The following GUCY2D variants were observed in gnomAD, a reference collection of about 807,000 sequenced individuals.
GUCY2D encodes the protein guanylate cyclase 2D, retinal.
Under a neutral mutation model 101.3 loss-of-function variants are expected in GUCY2D, and 70 were observed. That is an observed-to-expected ratio of 0.69 (90% confidence interval 0.57 to 0.84). The LOEUF (loss-of-function observed/expected upper bound fraction) is 0.84. Ranked by LOEUF, GUCY2D falls within the 40% of genes least tolerant of loss-of-function variation. The pLI is 0.00. For synonymous variants in GUCY2D, 688 were observed against 670.7 expected (o/e 1.03, Z -0.40); for missense variants, 1,460 against 1,542.5 (o/e 0.95, Z 0.90).
chr17:8,003,848 G>A lies in GUCY2D; in HGVS notation c.722-4G>A, dbSNP rs770035607. On this transcript the variant is annotated splice_polypyrimidine_tract_variant and splice_region_variant and intron_variant, in intron 2 of 19. Coordinates refer to ENST00000254854, the MANE Select transcript of GUCY2D (RefSeq NM_000180.4). ...GGCGCCGCGAGCCAAGCCTCTGTCC[G>A]CAGCAGTGATCATGGTGATGCACTC... is the stretch of plus-strand genomic sequence containing the variant. 2 of 1,611,286 alleles carry A rather than the reference G, an allele frequency of 1.2e-6. No homozygotes were observed. Among genetic ancestry groups the A allele is most frequent in the East Asian group, 2.2e-5 (1 of 44,842 alleles).
Position 8,012,257 on chromosome 17 carries a change from C to G in GUCY2D, c.1863C>G (p.His621Gln). 1.2e-6 allele frequency: 2 copies of G among 1,614,048 alleles called. No homozygotes were observed. Among genetic ancestry groups the G allele is most frequent in the Non-Finnish European group, 1.7e-6 (2 of 1,179,924 alleles). ...WEGNLAVVSE[H>Q]CTRGSLQDLL... is the part of the protein sequence containing the mutation. Reference sequence around the variant, plus strand: ...GCAACCTGGCTGTGGTCTCAGAGCACTGCACGCGGGGCTCTCTTCAGGACC... The same window carrying G: ...GCAACCTGGCTGTGGTCTCAGAGCAGTGCACGCGGGGCTCTCTTCAGGACC... Residue 621 changes from histidine (H) to glutamine (Q), a missense_variant, in exon 9 of 20, where the codon CAC (histidine) becomes CAG (glutamine). By Grantham distance (24) the His-to-Gln change is conservative. This residue lies in a region of GUCY2D where 1,196 missense variants were observed against 1,229.6 expected (regional missense o/e 0.97). Transcript: ENST00000254854.
chr17:8,012,902 A>G (rs1975884234), intron 10 of GUCY2D, among the ~76,000 whole-genome samples: 1 of 152,176 alleles, frequency 6.6e-6, no homozygotes, highest in African/African-American at 2.4e-5. Flanking sequence ...CCTGGGCACC[A>G]CCTTTTCTGA....
At chr17:8,007,177 G>A in intron 5 of GUCY2D, 33 bp downstream of exon 5, 1 of 1,493,526 alleles carries the variant, frequency 6.7e-7, no homozygotes. Flanking sequence ...TAGGAAGTGA[G>A]CTTGTGCCAG....
At chr17:8,015,128 G>T in intron 14 of GUCY2D, 77 bp downstream of exon 14, 3 of 1,293,842 alleles carry the variant, frequency 2.3e-6, no homozygotes, top group Non-Finnish European at 3.3e-6. Flanking sequence ...TTCCTGCGCA[G>T]CCCCTAGCCT....
chr17:8,005,771 AT>A (rs1171499004), intron 3 of GUCY2D, among the ~76,000 whole-genome samples: 1 of 152,218 alleles, frequency 6.6e-6, no homozygotes, highest in East Asian at 1.9e-4. Context: ...ACACTGATAC[AT>A]CTTTAGTGCT....
In GUCY2D at chr17:8,014,170, C is replaced by A; in HGVS notation, c.2412+142C>A. On this transcript the variant is annotated intron_variant, in intron 12 of 19. Transcript: ENST00000254854. The surrounding 1 kb of genome is among the most constrained non-coding windows in gnomAD (Gnocchi z 4.0). ...CCTCCTAAGGAGTAGCCTGAAGACT[C>A]GGAGTTTGGGGGCAGAATTGGAATG... 1.3e-6 allele frequency: 1 copy of A among 785,968 alleles called. No individual in the cohort carries two copies. Among genetic ancestry groups the A allele is most frequent in the Non-Finnish European group, 2.2e-6 (1 of 458,598 alleles). The allele number at this position is 785,968 out of a possible 1,614,324, so 48.7% of individuals were successfully genotyped here.
At position 8,007,069 on chromosome 17, in the gene GUCY2D, C is replaced by T. The variant is rs1975757840; in HGVS notation, c.1388C>T (p.Pro463Leu). 3 of 1,613,924 alleles carry T rather than the reference C, an allele frequency of 1.9e-6. No individual in the cohort carries two copies. Among genetic ancestry groups the T allele is most frequent in the African/African-American group, 1.3e-5 (1 of 75,054 alleles). ...PNNICGGGLEPGLVFLGFLLV... is the reference protein window; with the variant it reads ...PNNICGGGLELGLVFLGFLLV... Reference sequence around the variant, plus strand: ...GTCACTGTCCCTTCAGGACTGGAGCCGGGCCTCGTCTTTCTTGGCTTCCTC... The same window carrying T: ...GTCACTGTCCCTTCAGGACTGGAGCTGGGCCTCGTCTTTCTTGGCTTCCTC... The change falls in exon 5 of 20, where the codon CCG becomes CTG. Residue 463 changes from proline (P) to leucine (L), a missense_variant. Physicochemically the swap from Pro to Leu is moderately conservative, Grantham distance 98. Coordinates refer to ENST00000254854, the MANE Select transcript of GUCY2D (RefSeq NM_000180.4).
intron 19 of GUCY2D, chr17:8,016,860 G>A: frequency 6.1e-6 from 2 of 325,742 alleles, no homozygotes; most frequent in Non-Finnish European, 5.8e-6. Context: ...GCTGTGCACT[G>A]CACAAGAGAC....
rs1294796413 is a variant in GUCY2D at position 8,007,958 on chromosome 17, G to A, written c.1594G>A (p.Gly532Ser). 4 of 1,613,418 alleles carry A rather than the reference G, an allele frequency of 2.5e-6. No homozygotes were observed. The South Asian group carries it at 3.3e-5, about 13-fold the overall frequency. ...GGCCCAGGGGAGTCGATCAAGTCTG[G>A]GTGCCCGCAGCATGTCAGACATTCG... is the stretch of plus-strand genomic sequence containing the variant. ...KVAQGSRSSL[G>S]ARSMSDIRSG... Residue 532 changes from glycine (G) to serine (S), a missense_variant, in exon 7 of 20, where the codon GGT (glycine) becomes AGT (serine). This residue lies in a region of GUCY2D where 1,196 missense variants were observed against 1,229.6 expected (regional missense o/e 0.97). Coordinates refer to ENST00000254854, the MANE Select transcript of GUCY2D (RefSeq NM_000180.4).
chr17:8,015,443 C>G lies in GUCY2D; in HGVS notation c.2885C>G (p.Thr962Ser). 1 of 1,613,900 alleles carries G rather than the reference C, an allele frequency of 6.2e-7. No individual in the cohort carries two copies. The highest frequency in any genetic ancestry group is 8.5e-7 in the Non-Finnish European group (1 of 1,179,926). ...MSLDILSAVG[T>S]FRMRHMPEVP... is the part of the protein sequence containing the mutation. ...CTGGACATCCTCAGTGCCGTGGGCACTTTCCGCATGCGCCATATGCCTGAG... is the reference window on the plus strand; with the variant it reads ...CTGGACATCCTCAGTGCCGTGGGCAGTTTCCGCATGCGCCATATGCCTGAG... The change falls in exon 15 of 20, where the codon ACT (threonine) becomes AGT (serine). Residue 962 changes from threonine (T) to serine (S), a missense_variant. Thr to Ser is a moderately conservative substitution (Grantham distance 58). Coordinates refer to ENST00000254854, the MANE Select transcript of GUCY2D (RefSeq NM_000180.4).
chr17:8,006,550 T>C lies in GUCY2D; in HGVS notation c.1214T>C (p.Leu405Pro), dbSNP rs1361057788. The stretch of plus-strand genomic sequence containing the variant: ...GACGAGGAGCCCCCATTCGTGCTGC[T>C]AGACACGGACGCGGCGGGAGACCGG... ...GGDEEPPFVL[L>P]DTDAAGDRLF... is the part of the protein sequence containing the mutation. Residue 405 changes from leucine (L) to proline (P), a missense_variant, in exon 4 of 20, where the codon CTA becomes CCA. Physicochemically the swap from Leu to Pro is moderately conservative, Grantham distance 98. This residue lies in a region of GUCY2D where 1,196 missense variants were observed against 1,229.6 expected (regional missense o/e 0.97). Transcript: ENST00000254854. 2 of 1,612,946 alleles carry C rather than the reference T, an allele frequency of 1.2e-6. No individual in the cohort carries two copies. The highest frequency in any genetic ancestry group is 4.5e-5 in the East Asian group (2 of 44,888).
chr17:8,008,097 G>A (rs2151801121), intron 7 of GUCY2D, 65 bp downstream of exon 7: 1 of 970,322 alleles, frequency 1.0e-6, no homozygotes, highest in East Asian at 2.5e-5. Context: ...TGGGCAGAGG[G>A]GAGGCGCACT....
Position 8,007,922 on chromosome 17 carries a change from A to G in GUCY2D, c.1567-9A>G, listed in dbSNP as rs765520038. On this transcript the variant is annotated splice_polypyrimidine_tract_variant and intron_variant, in intron 6 of 19. Coordinates refer to ENST00000254854, the MANE Select transcript of GUCY2D (RefSeq NM_000180.4). The stretch of plus-strand genomic sequence containing the variant: ...ATTTTGACCTCTTGCATTGACCTCT[A>G]CCTGCTAGGTGGCCCAGGGGAGTCG... The G allele has an allele frequency of 1.9e-6, 3 of 1,574,640 alleles. No homozygotes were observed. The highest frequency in any genetic ancestry group is 2.6e-6 in the Non-Finnish European group (3 of 1,144,392).
In GUCY2D at chr17:8,016,412, C is replaced by T. The variant is rs1335528071; in HGVS notation, c.3225-31C>T. 10 of 1,515,624 alleles carry T rather than the reference C, an allele frequency of 6.6e-6. No individual in the cohort carries two copies. In the East Asian group the frequency reaches 2.2e-4, roughly 33 times the overall value. The allele number at this position is 1,515,624 out of a possible 1,614,324, so 93.9% of individuals were successfully genotyped here. ...CCCTGCCCTCCCACGCCCCATTCCC[C>T]TTCCCTGAGGCCACCGCCCCCTCCT... On this transcript the variant is annotated intron_variant, in intron 18 of 19. Transcript: ENST00000254854.
Position 8,014,185 on chromosome 17 carries a change from G to A in GUCY2D, c.2412+157G>A. The A allele has an allele frequency of 1.4e-6, 1 of 720,050 alleles. No homozygotes were observed. Among genetic ancestry groups the A allele is most frequent in the Admixed American group, 2.0e-5 (1 of 48,924 alleles). 44.6% of individuals were successfully genotyped at this position (720,050 alleles called of 1,614,324 possible). On this transcript the variant is annotated intron_variant, in intron 12 of 19. Transcript: ENST00000254854. This position sits in a 1 kb window ranked among gnomAD's most constrained non-coding sequence, Gnocchi z 4.0. The stretch of plus-strand genomic sequence containing the variant: ...CCTGAAGACTCGGAGTTTGGGGGCA[G>A]AATTGGAATGGGGGCTGTGGAGGCT...
Position 8,015,743 on chromosome 17 carries a change from G to C in GUCY2D, c.2945G>C (p.Gly982Ala). The part of the protein sequence containing the change: ...PVRIRIGLHS[G>A]PCVAGVVGLT... ...CCGCCGACCCCCAGCATCTCCACAG[G>C]TCCATGCGTGGCAGGCGTGGTGGGC... Residue 982 changes from glycine (G) to alanine (A), a missense_variant and splice_region_variant, in exon 16 of 20, where the codon GGT becomes GCT. Gly to Ala is a moderately conservative substitution (Grantham distance 60, BLOSUM62 0). Transcript: ENST00000254854. 6.2e-7 allele frequency: 1 copy of C among 1,606,408 alleles called. No individual in the cohort carries two copies. The highest frequency in any genetic ancestry group is 1.7e-4 in the Middle Eastern group (1 of 6,018).
chr17:8,010,826 A>AG (rs1567959980), intron 8 of GUCY2D, among the ~76,000 whole-genome samples: 1 of 149,770 alleles, frequency 6.7e-6, no homozygotes. Flanking sequence ...AAAAAAAAAA[A>AG]GGAAAGGAAA....
intron 7 of GUCY2D, among the ~76,000 whole-genome samples, chr17:8,008,453 G>A (rs1975788061): frequency 6.6e-6 from 1 of 152,164 alleles, no homozygotes; most frequent in Non-Finnish European, 1.5e-5. Flanking sequence ...CCCCTAGAGG[G>A]GGAAAAGAAA....
chr17:8,003,386 C>T lies in GUCY2D; in HGVS notation c.339C>T (p.Ala113=), dbSNP rs567463643. Residue 113 remains alanine (A), a synonymous_variant, in exon 2 of 20, where the codon GCC becomes GCT. Transcript: ENST00000254854. ...EPCRTPGSLG[A]VSSALARVSG... ...GCCGGACGCCGGGCTCGCTGGGGGC[C>T]GTGTCCTCCGCGCTGGCCCGCGTGT... 7.5e-6 allele frequency: 11 copies of T among 1,474,502 alleles called. No individual in the cohort carries two copies. The South Asian group carries it at 1.4e-4, about 19-fold the overall frequency. 91.3% of individuals were successfully genotyped at this position (1,474,502 alleles called of 1,614,324 possible). A position where few individuals can be genotyped will look rare whatever the true frequency, so the allele number is the denominator to read the frequency against.
Sources: allele counts gnomAD v4.1 joint callset (sites outside exome capture counted in the v4.1 genomes callset), GRCh38; gene constraint gnomAD v4.1.1; regional missense constraint gnomAD v4.1.1; non-coding constraint Gnocchi (gnomAD v3.1); transcripts MANE v1.5; gene names NCBI Gene and HGNC (gene_info 2026-07-23, HGNC 2026-07-21).